Variants in ZMYM2 observed in about 807,000 individuals in gnomAD.
ZMYM2 encodes zinc finger MYM-type containing 2, also known as zinc finger MYM-type protein 2.
ZMYM2 carries 56 observed loss-of-function variants against 162.8 expected under a neutral mutation model. That is an observed-to-expected ratio of 0.34 (90% CI 0.28 to 0.43). ZMYM2 has a LOEUF of 0.43. Among genes scored for constraint, ZMYM2 ranks in the 20% least tolerant of loss-of-function variants. ZMYM2 has a pLI of 1.00. For synonymous variants in ZMYM2, 510 were observed against 541.6 expected (o/e 0.94, Z 0.81); for missense variants, 1,275 against 1,621.8 (o/e 0.79, Z 3.67).
intron 3 of ZMYM2, among the ~76,000 whole-genome samples, chr13:20,002,279 G>T (rs1008022805): frequency 2.0e-5 from 3 of 152,102 alleles, no homozygotes; most frequent in Non-Finnish European, 4.4e-5. Flanking sequence ...TTATAAATAC[G>T]TGAATACTTC....
chr13:19,901,172 C>T, the ZMYM2 span, among the ~76,000 whole-genome samples: 3 of 152,124 alleles, frequency 2.0e-5, no homozygotes, highest in Non-Finnish European at 2.9e-5. Flanking sequence ...AAAGTTCCCA[C>T]TTCAAATACC....
chr13:20,012,071 A>C (rs942002081), intron 6 of ZMYM2, among the ~76,000 whole-genome samples: 3 of 151,900 alleles, frequency 2.0e-5, no homozygotes, highest in Non-Finnish European at 1.5e-5. Context: ...TTTTTAGTAG[A>C]GATGGGGTTC....
chr13:19,938,422 T>C, the ZMYM2 span, among the ~76,000 whole-genome samples: 1 of 152,166 alleles, frequency 6.6e-6, no homozygotes, highest in South Asian at 2.1e-4. Flanking sequence ...CACTTGAACC[T>C]GGGAGGCCAA....
chr13:19,880,839 A>C, the ZMYM2 span, among the ~76,000 whole-genome samples: 1 of 151,154 alleles, frequency 6.6e-6, no homozygotes, highest in Non-Finnish European at 1.5e-5. Flanking sequence ...GAATTTACTT[A>C]TTAGTTCTAA....
upstream of ZMYM2, among the ~76,000 whole-genome samples, chr13:19,956,882 G>A (rs1196655146): frequency 6.6e-6 from 1 of 152,214 alleles, no homozygotes; most frequent in Non-Finnish European, 1.5e-5. Flanking sequence ...AGTAGAGGAT[G>A]TTTGTTTTGA....
chr13:20,083,151 C>G (rs191075550), intron 23 of ZMYM2, 119 bp downstream of exon 23: 1 of 1,014,480 alleles, frequency 9.9e-7, no homozygotes, highest in African/African-American at 1.6e-5. Flanking sequence ...CAACCTCTAC[C>G]TCCTGGGTTC....
intron 2 of ZMYM2, among the ~76,000 whole-genome samples, chr13:19,964,186 G>A (rs1955531437): frequency 6.6e-6 from 1 of 152,030 alleles, no homozygotes; most frequent in Non-Finnish European, 1.5e-5. Context: ...AGACCAGCCT[G>A]GCCAATGTGG....
chr13:19,878,120 T>C, the ZMYM2 span, among the ~76,000 whole-genome samples: 1 of 151,732 alleles, frequency 6.6e-6, no homozygotes, highest in Non-Finnish European at 1.5e-5. Flanking sequence ...TGGCATGATC[T>C]CAGCTCACTG....
At chr13:20,069,521 T>G (rs1956923704) in intron 21 of ZMYM2, among the ~76,000 whole-genome samples, 1 of 148,672 alleles carries the variant, frequency 6.7e-6, no homozygotes, top group Non-Finnish European at 1.5e-5. Context: ...CTGAGAGTTG[T>G]TTTTTTTTTA....
At chr13:20,017,615 CTT>C (rs143348416) in intron 6 of ZMYM2, among the ~76,000 whole-genome samples, 2 of 146,714 alleles carry the variant, frequency 1.4e-5, no homozygotes, top group Admixed American at 6.8e-5. Flanking sequence ...ATGAATGTTA[CTT>C]TTTTTTTTTT....
intron 8 of ZMYM2, 39 bp from the exon 9 acceptor site, chr13:20,027,160 ATTAC>A: frequency 4.2e-6 from 6 of 1,424,128 alleles, no homozygotes; most frequent in Non-Finnish European, 5.6e-6. Flanking sequence ...AAACTTTTTT[ATTAC>A]TTTATAAACA....
intron 11 of ZMYM2, among the ~76,000 whole-genome samples, chr13:20,034,829 C>T (rs374912384): frequency 6.6e-6 from 1 of 152,284 alleles, no homozygotes; most frequent in Admixed American, 6.5e-5. Context: ...TGGGAAGATA[C>T]TTTTAGGTAT....
chr13:19,885,942 T>TGTGTGTATACAC, the ZMYM2 span, among the ~76,000 whole-genome samples: 4 of 121,910 alleles, frequency 3.3e-5, 2 homozygotes, highest in Admixed American at 1.5e-4. Flanking sequence ...TACACATATA[T>TGTGTGTATACAC]ATGTATATAC....
At chr13:20,064,403 A>G (rs1449460667) in intron 18 of ZMYM2, 48 bp from the exon 19 acceptor site, 1 of 1,496,446 alleles carries the variant, frequency 6.7e-7, no homozygotes, top group Non-Finnish European at 9.1e-7. Flanking sequence ...GTGTTTATGT[A>G]ACCCTGTGCT....
intron 16 of ZMYM2, among the ~76,000 whole-genome samples, chr13:20,060,558 A>G (rs1441630290): frequency 6.6e-6 from 1 of 152,092 alleles, no homozygotes. Flanking sequence ...CATGCCTGTA[A>G]TCCCAGCTGC....
the ZMYM2 span, among the ~76,000 whole-genome samples, chr13:19,933,950 G>A: frequency 2.6e-5 from 4 of 152,240 alleles, no homozygotes; most frequent in East Asian, 5.8e-4. Context: ...ATCTTTATCA[G>A]TGCATTTAAC....
At chr13:19,985,505 T>C (rs1225162450) in intron 2 of ZMYM2, among the ~76,000 whole-genome samples, 3 of 149,196 alleles carry the variant, frequency 2.0e-5, no homozygotes, top group Admixed American at 1.4e-4. Flanking sequence ...TTTTGAATAT[T>C]GATTTGGTTA....
chr13:20,005,863 T>A (rs1950700853), intron 5 of ZMYM2, among the ~76,000 whole-genome samples: 1 of 152,216 alleles, frequency 6.6e-6, no homozygotes, highest in South Asian at 2.1e-4. Context: ...TTTGTAGTGA[T>A]GTCACTGATG....
intron 21 of ZMYM2, among the ~76,000 whole-genome samples, chr13:20,074,522 C>T (rs1034968339): frequency 6.6e-6 from 1 of 151,736 alleles, no homozygotes; most frequent in Non-Finnish European, 1.5e-5. Context: ...CAGGCATGAG[C>T]CACTGTGCCC....
Sources: allele counts gnomAD v4.1 joint callset (sites outside exome capture counted in the v4.1 genomes callset), GRCh38; gene constraint gnomAD v4.1.1; transcripts MANE v1.5; gene names NCBI Gene and HGNC (gene_info 2026-07-23, HGNC 2026-07-21).